Variants in SLC16A7 observed in about 807,000 individuals in gnomAD.
The protein encoded by SLC16A7 is solute carrier family 16 member 7.
In SLC16A7, 33 loss-of-function variants were observed where a neutral mutation model predicts 34.9. The ratio of observed to expected loss-of-function variants is 0.94; its 90% CI spans 0.72 to 1.26. SLC16A7 has a LOEUF of 1.26. Ranked by LOEUF, SLC16A7 falls within the 50% of genes most tolerant of loss-of-function variation. The pLI is 0.00. For synonymous variants in SLC16A7, 201 were observed against 206.6 expected (o/e 0.97, Z 0.23); for missense variants, 573 against 578.1 (o/e 0.99, Z 0.09).
At chr12:59,627,519 A>G (rs1417879291) in intron 1 of SLC16A7, among the ~76,000 whole-genome samples, 3 of 151,876 alleles carry the variant, frequency 2.0e-5, no homozygotes, top group Non-Finnish European at 2.9e-5. Flanking sequence ...TGCTGAGGAA[A>G]GATTTTTTAC....
intron 1 of SLC16A7, among the ~76,000 whole-genome samples, chr12:59,614,077 G>T (rs1272415915): frequency 6.8e-6 from 1 of 146,192 alleles, no homozygotes; most frequent in African/African-American, 2.5e-5. Flanking sequence ...TTTTGACAGA[G>T]TCTCACTCTG....
rs1183464954 is a variant in SLC16A7, at chr12:59,782,250, C to T, written c.*2571C>T. On this transcript the variant is annotated 3_prime_UTR_variant, in exon 6 of 6. Transcript: ENST00000547379. ...ACAATTGAAACAGTGACATAAATAC[C>T]TACAGGATTCAGAATTGTTCCAGGG... 2 of 152,106 alleles carry T rather than the reference C, an allele frequency of 1.3e-5. No individual in the cohort carries two copies. The highest frequency in any genetic ancestry group is 1.3e-4 in the Admixed American group (2 of 15,256). 9.4% of individuals were successfully genotyped at this position (152,106 alleles called of 1,614,324 possible).
chr12:59,670,725 G>A (rs1430913986), intron 2 of SLC16A7, among the ~76,000 whole-genome samples: 1 of 152,176 alleles, frequency 6.6e-6, no homozygotes, highest in East Asian at 1.9e-4. Flanking sequence ...AAATTCACTG[G>A]TCTAAAACAA....
intron 2 of SLC16A7, among the ~76,000 whole-genome samples, chr12:59,702,804 CT>C (rs562268755): frequency 1.9e-3 from 283 of 151,736 alleles, no homozygotes; most frequent in Non-Finnish European, 2.8e-3. Context: ...TTTTTGCTTG[CT>C]TTTTTTTCTC....
At chr12:59,729,268 A>G (rs1876653365) in intron 3 of SLC16A7, among the ~76,000 whole-genome samples, 2 of 152,224 alleles carry the variant, frequency 1.3e-5, no homozygotes, top group African/African-American at 2.4e-5. Flanking sequence ...GAAGGAATCT[A>G]TTGGTATTAT....
At position 59,781,375 on chromosome 12, in the gene SLC16A7, A is replaced by C. The variant is rs1031549331; in HGVS notation, c.*1696A>C. On this transcript the variant is annotated 3_prime_UTR_variant, in exon 6 of 6. Coordinates refer to ENST00000547379, the MANE Select transcript of SLC16A7 (RefSeq NM_001270623.2). ...TTAGCCATTTTTTTTATTGTAATAA[A>C]GGCAGGTGCTATTTTTTTCTGGTGA... 11 of 152,578 alleles carry C rather than the reference A, an allele frequency of 7.2e-5. No individual in the cohort carries two copies. Among genetic ancestry groups the C allele is most frequent in the African/African-American group, 2.7e-4 (11 of 41,456 alleles). 9.5% of individuals were successfully genotyped at this position (152,578 alleles called of 1,614,324 possible). A position where few individuals can be genotyped will look rare whatever the true frequency, so the allele number is the denominator to read the frequency against.
chr12:59,669,699 G>A (rs189026158), intron 2 of SLC16A7, among the ~76,000 whole-genome samples: 240 of 106,052 alleles, frequency 2.3e-3, no homozygotes, highest in Middle Eastern at 5.1e-3. Flanking sequence ...TTATCTAAAC[G>A]GGAGAGAAAC....
chr12:59,660,909 T>C (rs962772119), intron 2 of SLC16A7, among the ~76,000 whole-genome samples: 8 of 152,148 alleles, frequency 5.3e-5, no homozygotes, highest in African/African-American at 1.9e-4. Context: ...AATGCCTTTG[T>C]AGTGTTTTTA....
intron 3 of SLC16A7, among the ~76,000 whole-genome samples, chr12:59,709,883 C>A (rs924991174): frequency 6.6e-6 from 1 of 151,542 alleles, no homozygotes; most frequent in East Asian, 1.9e-4. Context: ...TAGTTCTGAC[C>A]AATTAAATAT....
At chr12:59,636,064 T>G (rs1880411242) in intron 1 of SLC16A7, among the ~76,000 whole-genome samples, 1 of 151,506 alleles carries the variant, frequency 6.6e-6, no homozygotes, top group African/African-American at 2.4e-5. Context: ...CCTTACATTT[T>G]TATTTATTTT....
intron 3 of SLC16A7, among the ~76,000 whole-genome samples, chr12:59,748,706 G>T (rs1879168547): frequency 6.6e-6 from 1 of 152,162 alleles, no homozygotes; most frequent in South Asian, 2.1e-4. Flanking sequence ...AATTTTTGTT[G>T]CAGACTCTGC....
At chr12:59,740,605 T>C (rs1283880422) in intron 3 of SLC16A7, among the ~76,000 whole-genome samples, 1 of 152,172 alleles carries the variant, frequency 6.6e-6, no homozygotes. Context: ...GCCAATATCA[T>C]ACTGAATGGG....
chr12:59,615,600 C>T (rs1005695025), intron 1 of SLC16A7, among the ~76,000 whole-genome samples: 10 of 152,176 alleles, frequency 6.6e-5, no homozygotes, highest in African/African-American at 2.4e-4. Flanking sequence ...AACTATCACA[C>T]TGTATAGCAA....
intron 3 of SLC16A7, among the ~76,000 whole-genome samples, chr12:59,755,341 T>A: frequency 6.6e-6 from 1 of 152,332 alleles, no homozygotes; most frequent in Middle Eastern, 3.4e-3. Flanking sequence ...GACATGATTG[T>A]ATACCTAGAA....
chr12:59,767,350 G>C (rs762891904), intron 3 of SLC16A7, among the ~76,000 whole-genome samples: 2 of 151,990 alleles, frequency 1.3e-5, no homozygotes, highest in Non-Finnish European at 2.9e-5. Flanking sequence ...GATTGTCAGT[G>C]TTGATGAAAT....
intron 3 of SLC16A7, among the ~76,000 whole-genome samples, chr12:59,752,057 G>C (rs1264622992): frequency 1.3e-5 from 2 of 152,162 alleles, no homozygotes; most frequent in African/African-American, 4.8e-5. Flanking sequence ...CTGTCTGTTA[G>C]AAGGAAAACT....
intron 3 of SLC16A7, among the ~76,000 whole-genome samples, chr12:59,768,740 T>C (rs1173968762): frequency 6.6e-6 from 1 of 152,098 alleles, no homozygotes; most frequent in Non-Finnish European, 1.5e-5. Context: ...CTCACACTTA[T>C]AATCCCAGCA....
At chr12:59,625,163 G>A (rs954981146) in intron 1 of SLC16A7, among the ~76,000 whole-genome samples, 10 of 151,744 alleles carry the variant, frequency 6.6e-5, no homozygotes, top group Non-Finnish European at 1.3e-4. Context: ...AATGAACTCA[G>A]AAATTTGAAA....
chr12:59,611,273 A>G (rs1879180595), intron 1 of SLC16A7, among the ~76,000 whole-genome samples: 1 of 152,166 alleles, frequency 6.6e-6, no homozygotes. Flanking sequence ...TAGAAGGGGG[A>G]AGCAAACATG....
Sources: allele counts gnomAD v4.1 joint callset (sites outside exome capture counted in the v4.1 genomes callset), GRCh38; gene constraint gnomAD v4.1.1; transcripts MANE v1.5; gene names NCBI Gene and HGNC (gene_info 2026-07-23, HGNC 2026-07-21).